Variants in NRXN3 observed in about 807,000 individuals in gnomAD.
The protein encoded by NRXN3 is neurexin III.
In NRXN3, 32 loss-of-function variants were observed where a neutral mutation model predicts 137.6. The observed-to-expected ratio is 0.23, with a 90% CI of 0.18 to 0.31. The LOEUF (loss-of-function observed/expected upper bound fraction) is 0.31. Ranked by LOEUF, NRXN3 falls within the 10% of genes least tolerant of loss-of-function variation. The pLI is 1.00. For missense variants in NRXN3, 1,574 were observed against 2,062.5 expected (o/e 0.76, Z 4.59); for synonymous variants, 798 against 784.5 (o/e 1.02, Z -0.29).
intron 20 of NRXN3, among the ~76,000 whole-genome samples, chr14:79,847,763 G>A (rs973087851): frequency 6.6e-6 from 1 of 152,122 alleles, no homozygotes; most frequent in Non-Finnish European, 1.5e-5. Context: ...TGTGTAGTAA[G>A]ATGAGGACAT....
intron 10 of NRXN3, among the ~76,000 whole-genome samples, chr14:78,903,766 G>T (rs906843808): frequency 6.6e-6 from 1 of 151,984 alleles, no homozygotes; most frequent in Non-Finnish European, 1.5e-5. Flanking sequence ...TAGGTAAAAA[G>T]AACATACAAT....
chr14:78,849,288 C>G (rs1264950873), intron 10 of NRXN3, among the ~76,000 whole-genome samples: 1 of 152,060 alleles, frequency 6.6e-6, no homozygotes, highest in Non-Finnish European at 1.5e-5. Flanking sequence ...CAAACATTAT[C>G]TAAATCCAGG....
chr14:79,504,013 T>G (rs2096849187), intron 16 of NRXN3, among the ~76,000 whole-genome samples: 1 of 152,232 alleles, frequency 6.6e-6, no homozygotes, highest in African/African-American at 2.4e-5. Context: ...TGGAATCTTT[T>G]CATCTCAGTT....
At position 79,233,011 on chromosome 14, in the gene NRXN3, A is replaced by G. The variant is rs146763504; in HGVS notation, c.3263-234210A>G. On this transcript the variant is annotated intron_variant, in intron 15 of 20. Transcript: ENST00000335750. The stretch of plus-strand genomic sequence containing the variant: ...GATAGTGATTCATTAAATATAAACT[A>G]CTTAAAATCTTTTCATGTTTCCTCC... Among the ~76,000 whole-genome samples, 140 of 152,294 alleles carry G rather than the reference A, an allele frequency of 9.2e-4. No individual in the cohort carries two copies. In the Middle Eastern group the frequency reaches 0.014, roughly 15 times the overall value.
At chr14:79,045,195 C>T (rs941461428) in intron 15 of NRXN3, among the ~76,000 whole-genome samples, 1 of 152,046 alleles carries the variant, frequency 6.6e-6, no homozygotes, top group African/African-American at 2.4e-5. Flanking sequence ...GAGGGGGCAC[C>T]GGCTCAGTGT....
At chr14:79,803,582 C>G (rs2099190467) in intron 19 of NRXN3, among the ~76,000 whole-genome samples, 2 of 152,030 alleles carry the variant, frequency 1.3e-5, no homozygotes, top group South Asian at 2.1e-4. Context: ...TTCATTACCT[C>G]TTTAAGGCTT....
chr14:78,377,952 C>T (rs1298871671), intron 4 of NRXN3, among the ~76,000 whole-genome samples: 2 of 152,204 alleles, frequency 1.3e-5, no homozygotes, highest in East Asian at 3.8e-4. Flanking sequence ...GAATACCCAA[C>T]AGCAGCAGAA....
chr14:79,097,085 C>T (rs1238166605), intron 15 of NRXN3, among the ~76,000 whole-genome samples: 1 of 150,306 alleles, frequency 6.7e-6, no homozygotes, highest in African/African-American at 2.4e-5. Context: ...CTTAGCTCTT[C>T]AAAGGCTTCC....
In NRXN3 at chr14:78,243,063, T is replaced by G. The variant is rs920112139; in HGVS notation, c.-31T>G. ...TCTCCGGGCTGTTCCCTGGCCTGTC[T>G]GCTCCTCCGGGCTCTGTCCCAGCAG... On this transcript the variant is annotated 5_prime_UTR_variant, in exon 2 of 21. Coordinates refer to ENST00000335750, the MANE Select transcript of NRXN3 (RefSeq NM_001330195.2). The surrounding 1 kb of genome is among the most constrained non-coding windows in gnomAD (Gnocchi z 4.2). 6.9e-7 allele frequency: 1 copy of G among 1,458,502 alleles called. No homozygotes were observed. Among genetic ancestry groups the G allele is most frequent in the African/African-American group, 1.4e-5 (1 of 70,966 alleles). 90.3% of individuals were successfully genotyped at this position (1,458,502 alleles called of 1,614,324 possible).
intron 15 of NRXN3, among the ~76,000 whole-genome samples, chr14:79,372,273 G>A (rs575189578): frequency 4.6e-5 from 7 of 152,214 alleles, no homozygotes; most frequent in East Asian, 1.9e-4. Context: ...TAAAGCATTC[G>A]AAGATTGATT....
intron 1 of NRXN3, among the ~76,000 whole-genome samples, chr14:78,225,929 T>C: frequency 7.3e-6 from 1 of 137,040 alleles, no homozygotes; most frequent in African/African-American, 2.8e-5. Flanking sequence ...ACAGGGTGCC[T>C]AGCAAGTAGC....
chr14:78,907,655 T>C (rs559814492), intron 10 of NRXN3, among the ~76,000 whole-genome samples: 10 of 152,186 alleles, frequency 6.6e-5, no homozygotes, highest in Admixed American at 6.6e-4. Flanking sequence ...TTTTTAACTT[T>C]TAAGTCCAGG....
chr14:79,386,730 C>T (rs2094631806), intron 15 of NRXN3, among the ~76,000 whole-genome samples: 1 of 152,082 alleles, frequency 6.6e-6, no homozygotes, highest in South Asian at 2.1e-4. Context: ...ACCAAAACAG[C>T]ATGGTACTGG....
Position 79,608,192 on chromosome 14 carries a change from G to T in NRXN3, c.3445-55586G>T, listed in dbSNP as rs149322725. 3.0e-3 allele frequency among the ~76,000 whole-genome samples: 462 copies of T among 152,326 alleles called. 1 individual carries two copies. Among genetic ancestry groups the T allele is most frequent in the African/African-American group, 0.011 (449 of 41,566 alleles). ...CTAGATGTAATGAGGATTCTGGAAA[G>T]AGCATGGTTCAAGATTTTGTACAAT... On this transcript the variant is annotated intron_variant, in intron 16 of 20. Transcript: ENST00000335750.
intron 16 of NRXN3, among the ~76,000 whole-genome samples, chr14:79,578,729 A>G (rs1486304280): frequency 6.6e-6 from 1 of 152,166 alleles, no homozygotes; most frequent in East Asian, 1.9e-4. Context: ...TATAATTTCC[A>G]AGTGAGAGAA....
intron 10 of NRXN3, among the ~76,000 whole-genome samples, chr14:78,910,698 A>G (rs1440409007): frequency 6.6e-6 from 1 of 152,028 alleles, no homozygotes; most frequent in Non-Finnish European, 1.5e-5. Context: ...ATTCTTCACT[A>G]ATTTGCTTGA....
At chr14:79,517,101 C>T (rs997991756) in intron 16 of NRXN3, among the ~76,000 whole-genome samples, 2 of 150,478 alleles carry the variant, frequency 1.3e-5, no homozygotes, top group African/African-American at 4.9e-5. Flanking sequence ...AGCCCCCCCC[C>T]CCTCAACGAA....
intron 16 of NRXN3, among the ~76,000 whole-genome samples, chr14:79,475,848 G>C (rs1426458013): frequency 1.3e-5 from 2 of 152,078 alleles, no homozygotes; most frequent in Non-Finnish European, 2.9e-5. Context: ...TTTAAAGACA[G>C]CTGGGTGGCA....
intron 19 of NRXN3, among the ~76,000 whole-genome samples, chr14:79,777,899 A>T (rs918765399): frequency 6.6e-6 from 1 of 152,080 alleles, no homozygotes; most frequent in African/African-American, 2.4e-5. Context: ...TTGTGGTTTA[A>T]CTATTTACTA....
Sources: allele counts gnomAD v4.1 joint callset (sites outside exome capture counted in the v4.1 genomes callset), GRCh38; gene constraint gnomAD v4.1.1; non-coding constraint Gnocchi (gnomAD v3.1); transcripts MANE v1.5; gene names NCBI Gene and HGNC (gene_info 2026-07-23, HGNC 2026-07-21).